Variants in LRP2 observed in about 807,000 individuals in gnomAD.
The protein encoded by LRP2 is low-density lipoprotein receptor-related protein 2.
LRP2 carries 172 observed loss-of-function variants against 531.0 expected under a neutral mutation model. The ratio of observed to expected loss-of-function variants is 0.32; its 90% CI spans 0.29 to 0.37. The LOEUF (loss-of-function observed/expected upper bound fraction) is 0.37, where lower values mean the gene tolerates loss of function less well. Ranked by LOEUF, LRP2 falls within the 10% of genes least tolerant of loss-of-function variation. The pLI is 1.00. For synonymous variants in LRP2, 1,992 were observed against 2,027.6 expected (o/e 0.98, Z 0.47); for missense variants, 5,167 against 5,868.3 (o/e 0.88, Z 3.90).
intron 16 of LRP2, among the ~76,000 whole-genome samples, chr2:169,259,645 C>T (rs956627832): frequency 6.6e-6 from 1 of 151,866 alleles, no homozygotes; most frequent in Admixed American, 6.6e-5. Context: ...TCGCCCAACC[C>T]TCTCATCAAC....
chr2:169,192,050 C>T lies in LRP2; in HGVS notation c.8831-17G>A, dbSNP rs1249003054. The T allele has an allele frequency of 1.2e-6, 2 of 1,604,262 alleles. No homozygotes were observed. Among genetic ancestry groups the T allele is most frequent in the Admixed American group, 1.7e-5 (1 of 59,816 alleles). ...TTTGATTCTCTGAAACCAAAGCACGCAAGAATCAGAAAGCATGAGAGCTCA... is the reference window on the plus strand; with the variant it reads ...TTTGATTCTCTGAAACCAAAGCACGTAAGAATCAGAAAGCATGAGAGCTCA... On this transcript the variant is annotated splice_polypyrimidine_tract_variant and intron_variant, in intron 47 of 78. Transcript: ENST00000649046.
chr2:169,181,346 A>C, intron 52 of LRP2, 102 bp downstream of exon 52: 1 of 1,157,966 alleles, frequency 8.6e-7, no homozygotes, highest in Non-Finnish European at 1.3e-6. Context: ...TCCAACAGAC[A>C]GGCCAGTTAG....
intron 53 of LRP2, 80 bp from the exon 54 acceptor site, chr2:169,176,668 C>T: frequency 8.0e-7 from 1 of 1,248,094 alleles, no homozygotes; most frequent in Non-Finnish European, 1.2e-6. Flanking sequence ...CACATCTTGA[C>T]TTTAAACTCA....
chr2:169,246,674 C>T, intron 21 of LRP2, 31 bp downstream of exon 21: 4 of 1,613,308 alleles, frequency 2.5e-6, no homozygotes, highest in Non-Finnish European at 3.4e-6. Flanking sequence ...CTATTCATCC[C>T]AGGAAATATC....
chr2:169,170,509 A>G lies in LRP2; in HGVS notation c.11380+42T>C, dbSNP rs373019138. 3 of 1,492,926 alleles carry G rather than the reference A, an allele frequency of 2.0e-6. No homozygotes were observed. In the South Asian group the frequency reaches 3.4e-5, roughly 17 times the overall value. 92.5% of individuals were successfully genotyped at this position (1,492,926 alleles called of 1,614,324 possible). ...ACTAATTTGAAGCCCCTACACTGTC[A>G]CAGTACAAAATTCTATGGTAAGCTT... On this transcript the variant is annotated intron_variant, in intron 59 of 78. Transcript: ENST00000649046.
chr2:169,153,073 C>A, intron 66 of LRP2, 109 bp from the exon 67 acceptor site: 1 of 931,324 alleles, frequency 1.1e-6, no homozygotes, highest in South Asian at 1.3e-5. Flanking sequence ...CTCTACCTCC[C>A]TCCTCACTGT....
Position 169,281,499 on chromosome 2 carries a change from T to C in LRP2, c.1172-980A>G, listed in dbSNP as rs1683703347. On this transcript the variant is annotated intron_variant, in intron 10 of 78. Coordinates refer to ENST00000649046, the MANE Select transcript of LRP2 (RefSeq NM_004525.3). Reference sequence around the variant, plus strand: ...ACTTTGGGAGGCCAAGGCAGGTAAATTATGAGGTCAGGAGATCAAGACCAT... The same window carrying C: ...ACTTTGGGAGGCCAAGGCAGGTAAACTATGAGGTCAGGAGATCAAGACCAT... 1.3e-5 allele frequency among the ~76,000 whole-genome samples: 2 copies of C among 151,610 alleles called. 1 individual carries two copies. Among genetic ancestry groups the C allele is most frequent in the East Asian group, 3.9e-4 (2 of 5,166 alleles).
In LRP2 at chr2:169,269,285, T is replaced by C. The variant is rs1000672148; in HGVS notation, c.2320+1619A>G. 1.6e-4 allele frequency among the ~76,000 whole-genome samples: 25 copies of C among 152,214 alleles called. No homozygotes were observed. The East Asian group carries it at 2.3e-3, about 14-fold the overall frequency. On this transcript the variant is annotated intron_variant, in intron 16 of 78. Coordinates refer to ENST00000649046, the MANE Select transcript of LRP2 (RefSeq NM_004525.3). ...GTTCATATGGAACCAAAAAAGAGCCTGCATTGCCAAGACAATCCTAAGCCA... is the reference window on the plus strand; with the variant it reads ...GTTCATATGGAACCAAAAAAGAGCCCGCATTGCCAAGACAATCCTAAGCCA...
chr2:169,344,669 T>C (rs1194173615), intron 1 of LRP2, among the ~76,000 whole-genome samples: 1 of 152,094 alleles, frequency 6.6e-6, no homozygotes, highest in Non-Finnish European at 1.5e-5. Context: ...CCTCATCGAG[T>C]TTTAACTTAG....
intron 4 of LRP2, among the ~76,000 whole-genome samples, chr2:169,303,128 G>A: frequency 6.6e-6 from 1 of 152,054 alleles, no homozygotes; most frequent in East Asian, 1.9e-4. Flanking sequence ...CATCATTGAT[G>A]TAATTGAGTG....
chr2:169,278,662 G>A (rs1422319157), intron 12 of LRP2, among the ~76,000 whole-genome samples: 2 of 152,134 alleles, frequency 1.3e-5, no homozygotes, highest in Non-Finnish European at 2.9e-5. Flanking sequence ...TCATTTTCAA[G>A]GAAGGATAGC....
At chr2:169,348,756 A>C (rs1685762986) in intron 1 of LRP2, among the ~76,000 whole-genome samples, 1 of 152,240 alleles carries the variant, frequency 6.6e-6, no homozygotes, top group South Asian at 2.1e-4. Flanking sequence ...AAAAAGAAGG[A>C]TGCAGATTCA....
At chr2:169,285,487 A>G (rs1397137590) in intron 9 of LRP2, among the ~76,000 whole-genome samples, 1 of 152,206 alleles carries the variant, frequency 6.6e-6, no homozygotes, top group African/African-American at 2.4e-5. Flanking sequence ...CACACAAAAC[A>G]CTAAAACACT....
intron 63 of LRP2, among the ~76,000 whole-genome samples, chr2:169,161,349 G>A (rs1408433898): frequency 6.6e-6 from 1 of 152,202 alleles, no homozygotes; most frequent in Admixed American, 6.5e-5. Flanking sequence ...GACTACAAAG[G>A]TGTGACTTAG....
At position 169,140,514 on chromosome 2, in the gene LRP2, T is replaced by C. The variant is rs758030612; in HGVS notation, c.13140A>G (p.Pro4380=). The C allele has an allele frequency of 1.3e-6, 2 of 1,590,640 alleles. No homozygotes were observed. Among genetic ancestry groups the C allele is most frequent in the Admixed American group, 1.7e-5 (1 of 59,758 alleles). Residue 4380 remains proline, a synonymous_variant, in exon 72 of 79, where the codon CCA becomes CCG. Coordinates refer to ENST00000649046, the MANE Select transcript of LRP2 (RefSeq NM_004525.3). ...AIELPINLPP[P]CRCMHGGNCY... ...AATTTCCTCCGTGCATGCACCTGCA[T>C]GGGGGGGGCAGGTTGATAGGCAGTT...
Position 169,142,683 on chromosome 2 carries a change from A to C in LRP2, c.13099T>G (p.Cys4367Gly). ...TGGGCAGTGCTCCTACCTGCATCACACTCAGTGGTGCTCCCCTCTATAAAG... is the reference window on the plus strand; with the variant it reads ...TGGGCAGTGCTCCTACCTGCATCACCCTCAGTGGTGCTCCCCTCTATAAAG... ...SSFIEGSTTE[C>G]DAAIELPINL... The change falls in exon 71 of 79, where the codon TGT becomes GGT. Residue 4367 changes from cysteine to glycine, a missense_variant. Cys to Gly is a radical substitution (Grantham distance 159). Coordinates refer to ENST00000649046, the MANE Select transcript of LRP2 (RefSeq NM_004525.3). 1 of 1,613,880 alleles carries C rather than the reference A, an allele frequency of 6.2e-7. No individual in the cohort carries two copies. The highest frequency in any genetic ancestry group is 8.5e-7 in the Non-Finnish European group (1 of 1,179,854).
At chr2:169,204,650 A>T (rs773911296) in intron 41 of LRP2, among the ~76,000 whole-genome samples, 5 of 152,202 alleles carry the variant, frequency 3.3e-5, no homozygotes, top group South Asian at 4.1e-4. Flanking sequence ...TTTGATGTTT[A>T]TTGAGTACCT....
chr2:169,149,836 C>CA (rs1036053108), intron 68 of LRP2, among the ~76,000 whole-genome samples: 1 of 146,600 alleles, frequency 6.8e-6, no homozygotes, highest in African/African-American at 2.5e-5. Flanking sequence ...ACTCCATCTC[C>CA]AAAAAAATTA....
chr2:169,165,542 T>C (rs909008386), intron 62 of LRP2, among the ~76,000 whole-genome samples: 6 of 152,210 alleles, frequency 3.9e-5, no homozygotes, highest in Non-Finnish European at 8.8e-5. Context: ...AGATTAGCAA[T>C]TAGCAACTCC....
Sources: allele counts gnomAD v4.1 joint callset (sites outside exome capture counted in the v4.1 genomes callset), GRCh38; gene constraint gnomAD v4.1.1; transcripts MANE v1.5; gene names NCBI Gene and HGNC (gene_info 2026-07-23, HGNC 2026-07-21).